The following GPHN variants were observed in gnomAD, a reference collection of about 807,000 sequenced individuals.
GPHN encodes the protein gephyrin.
GPHN carries 17 observed loss-of-function variants against 95.5 expected under a neutral mutation model. The ratio of observed to expected loss-of-function variants is 0.18; its 90% CI spans 0.12 to 0.27. The LOEUF (loss-of-function observed/expected upper bound fraction) is 0.27, where lower values mean the gene tolerates loss of function less well. GPHN is among the 10% of genes least tolerant of loss of function. The pLI is 1.00. For synonymous variants in GPHN, 320 were observed against 322.5 expected (o/e 0.99, Z 0.08); for missense variants, 660 against 978.1 (o/e 0.67, Z 4.34).
chr14:67,384,638 C>T, the GPHN span: 2 of 152,154 alleles, frequency 1.3e-5, no homozygotes, highest in African/African-American at 4.8e-5. Flanking sequence ...GACTAGACTA[C>T]TCAATATTAA....
chr14:66,897,568 T>C (rs1205555900), intron 5 of GPHN, among the ~76,000 whole-genome samples: 2 of 152,160 alleles, frequency 1.3e-5, no homozygotes, highest in Non-Finnish European at 2.9e-5. Context: ...AGAATGAATA[T>C]AATTAGAACC....
At chr14:67,325,087 A>G in the GPHN span, among the ~76,000 whole-genome samples, 11 of 151,592 alleles carry the variant, frequency 7.3e-5, no homozygotes, top group Admixed American at 2.0e-4. Flanking sequence ...TTGTATTTTT[A>G]GTAGAGACAG....
the GPHN span, among the ~76,000 whole-genome samples, chr14:67,544,571 C>A: frequency 6.6e-6 from 1 of 152,164 alleles, no homozygotes; most frequent in African/African-American, 2.4e-5. Context: ...AATAATGGAA[C>A]TGTTGGCAAG....
intron 2 of GPHN, among the ~76,000 whole-genome samples, chr14:66,705,294 A>G (rs1273844906): frequency 2.0e-5 from 3 of 152,124 alleles, no homozygotes; most frequent in African/African-American, 7.2e-5. Context: ...AAAAGGAGGG[A>G]CTCCTCCCTA....
intron 2 of GPHN, among the ~76,000 whole-genome samples, chr14:66,724,110 A>C (rs117604273): frequency 6.6e-6 from 1 of 152,278 alleles, no homozygotes; most frequent in East Asian, 1.9e-4. Flanking sequence ...CAACTGGTTT[A>C]TATAAAATCT....
At chr14:67,417,388 TAGA>T in the GPHN span, among the ~76,000 whole-genome samples, 1 of 152,202 alleles carries the variant, frequency 6.6e-6, no homozygotes, top group African/African-American at 2.4e-5. Context: ...GTGAGGTTGG[TAGA>T]AGGAGTGAGC....
chr14:67,489,527 T>A, the GPHN span, among the ~76,000 whole-genome samples: 15 of 152,188 alleles, frequency 9.9e-5, no homozygotes, highest in African/African-American at 3.4e-4. Flanking sequence ...TCAAGCACTG[T>A]CATCTCTCCT....
chr14:67,264,240 A>G, the GPHN span, among the ~76,000 whole-genome samples: 2 of 152,210 alleles, frequency 1.3e-5, no homozygotes, highest in Admixed American at 6.5e-5. Context: ...TGGGGATGAC[A>G]GTGGTATTTA....
At chr14:67,485,829 G>A in the GPHN span, among the ~76,000 whole-genome samples, 1 of 152,058 alleles carries the variant, frequency 6.6e-6, no homozygotes, top group Non-Finnish European at 1.5e-5. Flanking sequence ...GTCTCGCTGA[G>A]GAGGAGATGC....
chr14:66,650,315 G>C (rs1299300777), intron 1 of GPHN, among the ~76,000 whole-genome samples: 1 of 152,102 alleles, frequency 6.6e-6, no homozygotes, highest in Admixed American at 6.5e-5. Context: ...AAAAGAACAT[G>C]AACATAAAGA....
At chr14:67,332,992 C>A in the GPHN span, 1 of 1,568,206 alleles carries the variant, frequency 6.4e-7, no homozygotes, top group Non-Finnish European at 8.7e-7. Context: ...TGGACTTGAT[C>A]TGGCAAAAAC....
chr14:67,559,195 T>C, the GPHN span, among the ~76,000 whole-genome samples: 1 of 152,366 alleles, frequency 6.6e-6, no homozygotes, highest in African/African-American at 2.4e-5. Flanking sequence ...AATTTTGCCT[T>C]ATTTTTTTGT....
In GPHN at chr14:66,545,074, G is replaced by A. The variant is rs113654980; in HGVS notation, c.64+36483G>A. On this transcript the variant is annotated intron_variant, in intron 1 of 22. Transcript: ENST00000478722. ...AAAACCGCCATTGTCATCATGGCCC[G>A]TTCTCAATGAGCTGCCGGGCACACC... is the stretch of plus-strand genomic sequence containing the variant. Among the ~76,000 whole-genome samples, 6 of 152,322 alleles carry A rather than the reference G, an allele frequency of 3.9e-5. 1 individual carries two copies. The highest frequency in any genetic ancestry group is 1.4e-4 in the African/African-American group (6 of 41,576).
chr14:66,656,350 G>T (rs991235732), intron 1 of GPHN, among the ~76,000 whole-genome samples: 8 of 152,120 alleles, frequency 5.3e-5, no homozygotes, highest in Non-Finnish European at 1.2e-4. Flanking sequence ...GGAATTGCCT[G>T]TGTCTCTTAG....
the GPHN span, among the ~76,000 whole-genome samples, chr14:67,640,107 C>CT: frequency 1.4e-4 from 21 of 151,740 alleles, no homozygotes; most frequent in Non-Finnish European, 2.5e-4. Context: ...ACCTTTTTGT[C>CT]TTTTTTTAAA....
chr14:67,339,297 T>C, the GPHN span, among the ~76,000 whole-genome samples: 1 of 152,076 alleles, frequency 6.6e-6, no homozygotes, highest in Non-Finnish European at 1.5e-5. Flanking sequence ...GAGCCCAGCC[T>C]AGAAGCCTTT....
At chr14:66,582,956 C>T (rs2061258162) in intron 1 of GPHN, among the ~76,000 whole-genome samples, 1 of 152,144 alleles carries the variant, frequency 6.6e-6, no homozygotes, top group African/African-American at 2.4e-5. Flanking sequence ...TGAGGAATCG[C>T]CACACTGACT....
At chr14:66,748,536 G>A (rs867398366) in intron 2 of GPHN, among the ~76,000 whole-genome samples, 32 of 151,784 alleles carry the variant, frequency 2.1e-4, no homozygotes, top group Admixed American at 3.3e-4. Context: ...ATTATTACCC[G>A]ATCCATACTT....
chr14:67,662,770 G>A, the GPHN span, among the ~76,000 whole-genome samples: 1 of 152,016 alleles, frequency 6.6e-6, no homozygotes, highest in East Asian at 1.9e-4. Context: ...CGGGCGTGGT[G>A]GCAGGCACCT....
Sources: allele counts gnomAD v4.1 joint callset (sites outside exome capture counted in the v4.1 genomes callset), GRCh38; gene constraint gnomAD v4.1.1; transcripts MANE v1.5; gene names NCBI Gene and HGNC (gene_info 2026-07-23, HGNC 2026-07-21).